KCNQ1: variants seen among roughly 807,000 people sequenced by gnomAD.
KCNQ1 encodes potassium voltage-gated channel subfamily Q member 1.
Under a neutral mutation model 72.4 loss-of-function variants are expected in KCNQ1, and 49 were observed. The ratio of observed to expected loss-of-function variants is 0.68; its 90% confidence interval spans 0.54 to 0.86. The LOEUF (loss-of-function observed/expected upper bound fraction) is 0.86, where lower values mean the gene tolerates loss of function less well. Ranked by LOEUF, KCNQ1 falls within the 40% of genes least tolerant of loss-of-function variation. The probability of loss-of-function intolerance (pLI) is 0.00; values close to 1 mark genes in which losing one functional copy is unlikely to be tolerated. For missense variants in KCNQ1, 790 were observed against 945.1 expected (o/e 0.84, Z 2.15); for synonymous variants, 450 against 412.6 (o/e 1.09, Z -1.10).
At chr11:2,801,417 T>C (rs999622314) in intron 15 of KCNQ1, among the ~76,000 whole-genome samples, 3 of 152,216 alleles carry the variant, frequency 2.0e-5, no homozygotes, top group African/African-American at 7.2e-5. Context: ...AGAAATTTAT[T>C]CCTCACAGTT....
rs1248645684 is a variant in KCNQ1 at position 2,495,822 on chromosome 11, G to A, written c.387-32106G>A. Among the ~76,000 whole-genome samples, 1 of 152,160 alleles carries A rather than the reference G, an allele frequency of 6.6e-6. No individual in the cohort carries two copies. The highest frequency in any genetic ancestry group is 2.4e-5 in the African/African-American group (1 of 41,416). ...GAACAATGTACATTCTCTTGATTTG[G>A]GGTGGAAAGTTCTGTAGATGTCTAT... On this transcript the variant is annotated intron_variant, in intron 1 of 15. Coordinates refer to ENST00000155840, the MANE Select transcript of KCNQ1 (RefSeq NM_000218.3). The surrounding 1 kb of genome is among the most constrained non-coding windows in gnomAD (Gnocchi z 4.6).
At chr11:2,744,256 CAGG>C (rs1388880817) in intron 11 of KCNQ1, among the ~76,000 whole-genome samples, 1 of 152,260 alleles carries the variant, frequency 6.6e-6, no homozygotes, top group Non-Finnish European at 1.5e-5. Context: ...TCTGCTCAAA[CAGG>C]AGACGATGTG....
chr11:2,756,951 T>TAAAAAAAAAAAAAAAAAAA (rs58284663), intron 11 of KCNQ1, among the ~76,000 whole-genome samples: 1 of 50,996 alleles, frequency 2.0e-5, no homozygotes, highest in Non-Finnish European at 3.6e-5. Flanking sequence ...AAGAGCATCT[T>TAAAAAAAAAAAAAAAAAAA]AAAAAAAAAA....
Position 2,466,370 on chromosome 11 carries a change from G to T in KCNQ1, c.386+20886G>T, listed in dbSNP as rs1329279244. 2.0e-5 allele frequency among the ~76,000 whole-genome samples: 3 copies of T among 152,154 alleles called. No individual in the cohort carries two copies. The East Asian group carries it at 5.8e-4, about 29-fold the overall frequency. On this transcript the variant is annotated intron_variant, in intron 1 of 15. Coordinates refer to ENST00000155840, the MANE Select transcript of KCNQ1 (RefSeq NM_000218.3). ...CAGGCTGGGGTTTGTCCCCTACTTT[G>T]CAGGAGGAGGGGGGCTCCCAGAAGA...
rs957875058 is a variant in KCNQ1, at chr11:2,654,199, G to T, written c.1394-7762G>T. ...GGCTGTGGGGCTGCGGCTCAGCAAT[G>T]TCACGCAGGGCCTGGCTGCAGCTGT... On this transcript the variant is annotated intron_variant, in intron 10 of 15. Coordinates refer to ENST00000155840, the MANE Select transcript of KCNQ1 (RefSeq NM_000218.3). The surrounding 1 kb of genome is among the most constrained non-coding windows in gnomAD (Gnocchi z 6.4). The T allele has an allele frequency of 2.5e-6, 1 of 398,682 alleles. No individual in the cohort carries two copies. The highest frequency in any genetic ancestry group is 4.4e-6 in the Non-Finnish European group (1 of 226,260). The allele number at this position is 398,682 out of a possible 1,614,324, so 24.7% of individuals were successfully genotyped here.
chr11:2,537,952 A>G lies in KCNQ1; in HGVS notation c.477+9934A>G, dbSNP rs1417097502. Among the ~76,000 whole-genome samples the G allele has an allele frequency of 6.6e-6, 1 of 152,134 alleles. No individual in the cohort carries two copies. On this transcript the variant is annotated intron_variant, in intron 2 of 15. Transcript: ENST00000155840. This position sits in a 1 kb window ranked among gnomAD's most constrained non-coding sequence, Gnocchi z 5.2. The stretch of plus-strand genomic sequence containing the variant: ...GCTGGTCTTAAACTCCTGAGTTCAA[A>G]CAATCCTCCCACCTCGGCCAACCCA...
intron 11 of KCNQ1, among the ~76,000 whole-genome samples, chr11:2,733,814 A>C (rs7129607): frequency 2.3e-5 from 2 of 86,610 alleles, no homozygotes; most frequent in African/African-American, 4.2e-5. Context: ...ACACACACAC[A>C]CTCTCTCACT....
intron 10 of KCNQ1, chr11:2,631,810 C>CT (rs778837772): frequency 2.5e-6 from 1 of 398,502 alleles, no homozygotes; most frequent in Non-Finnish European, 4.4e-6. Flanking sequence ...GTGGCCAAGG[C>CT]TGAGTGTCCT....
In KCNQ1 at chr11:2,601,469, A is replaced by G. The variant is rs1848806124; in HGVS notation, c.1393+12615A>G. Among the ~76,000 whole-genome samples, 1 of 152,222 alleles carries G rather than the reference A, an allele frequency of 6.6e-6. No homozygotes were observed. Among genetic ancestry groups the G allele is most frequent in the African/African-American group, 2.4e-5 (1 of 41,454 alleles). On this transcript the variant is annotated intron_variant, in intron 10 of 15. Coordinates refer to ENST00000155840, the MANE Select transcript of KCNQ1 (RefSeq NM_000218.3). This position sits in a 1 kb window ranked among gnomAD's most constrained non-coding sequence, Gnocchi z 5.2. The stretch of plus-strand genomic sequence containing the variant: ...GTCAGTGGTAGCATCTTCTAAAACC[A>G]TAGCACAATATGATAACCAGGATGT...
At chr11:2,717,187 A>G (rs1434124554) in intron 11 of KCNQ1, among the ~76,000 whole-genome samples, 4 of 152,144 alleles carry the variant, frequency 2.6e-5, no homozygotes, top group African/African-American at 7.2e-5. Context: ...GCAGTGCGAC[A>G]CAGACTGGGC....
In KCNQ1 at chr11:2,473,598, G is replaced by A. The variant is rs1171695669; in HGVS notation, c.386+28114G>A. On this transcript the variant is annotated intron_variant, in intron 1 of 15. Coordinates refer to ENST00000155840, the MANE Select transcript of KCNQ1 (RefSeq NM_000218.3). The surrounding 1 kb of genome is among the most constrained non-coding windows in gnomAD (Gnocchi z 6.0). ...TCAGCCGTGTCATGTGGCTTGTAGAGCGAGGGTGTGCGGCCGGCATCATCC... is the reference window on the plus strand; with the variant it reads ...TCAGCCGTGTCATGTGGCTTGTAGAACGAGGGTGTGCGGCCGGCATCATCC... 3.3e-5 allele frequency among the ~76,000 whole-genome samples: 5 copies of A among 151,906 alleles called. No individual in the cohort carries two copies. The highest frequency in any genetic ancestry group is 2.1e-4 in the South Asian group (1 of 4,684).
Position 2,613,325 on chromosome 11 carries a change from T to C in KCNQ1, c.1393+24471T>C. ...TCTCCAGAATTCCTTTTAAAATTTT[T>C]CTTAATCTGTCGCTTGCCCAACCAG... On this transcript the variant is annotated intron_variant, in intron 10 of 15. Coordinates refer to ENST00000155840, the MANE Select transcript of KCNQ1 (RefSeq NM_000218.3). The surrounding 1 kb of genome is among the most constrained non-coding windows in gnomAD (Gnocchi z 4.8). 2.5e-6 allele frequency: 1 copy of C among 398,604 alleles called. No homozygotes were observed. Among genetic ancestry groups the C allele is most frequent in the East Asian group, 3.6e-5 (1 of 28,074 alleles). The allele number at this position is 398,604 out of a possible 1,614,324, so 24.7% of individuals were successfully genotyped here.
chr11:2,627,087 A>G lies in KCNQ1; in HGVS notation c.1394-34874A>G. On this transcript the variant is annotated intron_variant, in intron 10 of 15. Coordinates refer to ENST00000155840, the MANE Select transcript of KCNQ1 (RefSeq NM_000218.3). This position sits in a 1 kb window ranked among gnomAD's most constrained non-coding sequence, Gnocchi z 4.9. ...GTGTTTTCCCTTTATGTCTACTTTA[A>G]TTTCTTTCAGCATTGTTTTGTAATT... The G allele has an allele frequency of 2.5e-6, 1 of 398,446 alleles. No homozygotes were observed. Among genetic ancestry groups the G allele is most frequent in the Non-Finnish European group, 4.4e-6 (1 of 226,020 alleles). 24.7% of individuals were successfully genotyped at this position (398,446 alleles called of 1,614,324 possible).
rs544172121 is a variant in KCNQ1 at position 2,496,361 on chromosome 11, C to T, written c.387-31567C>T. Among the ~76,000 whole-genome samples the T allele has an allele frequency of 2.5e-4, 38 of 151,862 alleles. 1 individual carries two copies. The highest frequency in any genetic ancestry group is 6.3e-4 in the African/African-American group (26 of 41,352). ...CTGAGGCAGGAGAATGGCGTGAACC[C>T]GGGAGGTGGAGCTTGCAGCGAGCCA... is the stretch of plus-strand genomic sequence containing the variant. On this transcript the variant is annotated intron_variant, in intron 1 of 15. Transcript: ENST00000155840.
chr11:2,716,783 G>A (rs1019941312), intron 11 of KCNQ1, among the ~76,000 whole-genome samples: 2 of 152,236 alleles, frequency 1.3e-5, no homozygotes, highest in Non-Finnish European at 2.9e-5. Context: ...CAGGCCAGGA[G>A]CACTGGTGTT....
At chr11:2,573,097 C>A in intron 6 of KCNQ1, 111 bp downstream of exon 6, 2 of 1,293,614 alleles carry the variant, frequency 1.5e-6, no homozygotes, top group Non-Finnish European at 2.1e-6. Context: ...GGGCTTCTCA[C>A]CTGCACGCTC....
In KCNQ1 at chr11:2,803,913, C is replaced by G. The variant is rs1473291066; in HGVS notation, c.1794+25876C>G. On this transcript the variant is annotated intron_variant, in intron 15 of 15. Coordinates refer to ENST00000155840, the MANE Select transcript of KCNQ1 (RefSeq NM_000218.3). The surrounding 1 kb of genome is among the most constrained non-coding windows in gnomAD (Gnocchi z 6.4). ...CATTGGATGGGGCCGCCTCTGCCAC[C>G]TGCTCCAGCCACCTGGCAGATCCCA... 5.3e-5 allele frequency among the ~76,000 whole-genome samples: 8 copies of G among 152,162 alleles called. No homozygotes were observed. The highest frequency in any genetic ancestry group is 1.0e-4 in the Non-Finnish European group (7 of 68,032).
intron 15 of KCNQ1, 147 bp downstream of exon 15, chr11:2,778,184 A>AAG: frequency 1.2e-6 from 1 of 807,630 alleles, no homozygotes; most frequent in Non-Finnish European, 2.1e-6. Flanking sequence ...AGCAACTCCC[A>AAG]AGAGGGGCCC....
intron 1 of KCNQ1, among the ~76,000 whole-genome samples, chr11:2,511,489 G>T (rs1847203005): frequency 6.6e-6 from 1 of 152,152 alleles, no homozygotes; most frequent in Non-Finnish European, 1.5e-5. Flanking sequence ...TGGCCTGGGA[G>T]TCCACCCTCC....
Sources: gnomAD v4.1 joint callset for allele counts (sites outside exome capture counted in the v4.1 genomes callset) on GRCh38, gnomAD v4.1.1 for gene constraint, Gnocchi (gnomAD v3.1) non-coding constraint, MANE v1.5 for transcripts, NCBI Gene and HGNC (gene_info 2026-07-23, HGNC 2026-07-21) for gene names.